The following EMP1 variants were observed in gnomAD, a reference collection of about 807,000 sequenced individuals.
EMP1 encodes epithelial membrane protein 1, also known as tumor-associated membrane protein.
EMP1 carries 5 observed loss-of-function variants against 15.7 expected under a neutral mutation model. That is an observed-to-expected ratio of 0.32 (90% CI 0.17 to 0.67). The LOEUF is 0.67. Among genes scored for constraint, EMP1 ranks in the 30% least tolerant of loss-of-function variants. EMP1 has a pLI of 0.74. For synonymous variants in EMP1, 78 were observed against 76.7 expected (o/e 1.02, Z -0.09); for missense variants, 166 against 194.2 (o/e 0.85, Z 0.86).
chr12:13,209,770 T>C (rs1864147904), intron 1 of EMP1, among the ~76,000 whole-genome samples: 1 of 152,152 alleles, frequency 6.6e-6, no homozygotes, highest in Non-Finnish European at 1.5e-5. Context: ...ACTGTGCATT[T>C]AAGTCAAGCA....
chr12:13,213,498 C>A lies in EMP1; in HGVS notation c.98C>A (p.Thr33Lys), dbSNP rs148486500. 6 of 1,614,002 alleles carry A rather than the reference C, an allele frequency of 3.7e-6. No homozygotes were observed. Among genetic ancestry groups the A allele is most frequent in the Non-Finnish European group, 5.1e-6 (6 of 1,180,024 alleles). The change falls in exon 3 of 5, where the codon ACG becomes AAG. Residue 33 changes from threonine (T) to lysine (K), a missense_variant. Thr to Lys is a moderately conservative substitution (Grantham distance 78, BLOSUM62 -1). Transcript: ENST00000256951. ...TTTCAGGTCTGGTTGGTTTCCAATA[C>A]GGTAGATGCATCAGTAGGTCTTTGG... ...TIANVWLVSNTVDASVGLWKN... is the reference protein window; with the variant it reads ...TIANVWLVSNKVDASVGLWKN...
In EMP1 at chr12:13,212,113, G is replaced by C. The variant is rs545466002; in HGVS notation, c.78+525G>C. 7.9e-5 allele frequency among the ~76,000 whole-genome samples: 12 copies of C among 152,340 alleles called. No homozygotes were observed. In the South Asian group the frequency reaches 1.9e-3, roughly 24 times the overall value. On this transcript the variant is annotated intron_variant, in intron 2 of 4. Coordinates refer to ENST00000256951, the MANE Select transcript of EMP1 (RefSeq NM_001423.3). ...GATAGATGGGAAGAAGAGGATGCCAGACTGACAAATTCAAATTTTGAGCAA... is the reference window on the plus strand; with the variant it reads ...GATAGATGGGAAGAAGAGGATGCCACACTGACAAATTCAAATTTTGAGCAA...
Position 13,213,802 on chromosome 12 carries a change from G to A in EMP1, c.297G>A (p.Gly99=), listed in dbSNP as rs1444834924. 3.7e-6 allele frequency: 6 copies of A among 1,613,876 alleles called. No individual in the cohort carries two copies. Among genetic ancestry groups the A allele is most frequent in the Non-Finnish European group, 5.1e-6 (6 of 1,180,042 alleles). Residue 99 remains glycine (G), a synonymous_variant, in exon 4 of 5, where the codon GGG becomes GGA. Coordinates refer to ENST00000256951, the MANE Select transcript of EMP1 (RefSeq NM_001423.3). ...AGGGAAACCGGTTCTTCCTCTCAGG[G>A]GCCACCACACTGGTGTGCTGTGAGT... is the stretch of plus-strand genomic sequence containing the variant. ...MEKGNRFFLS[G]ATTLVCWLCI... is the part of the protein sequence containing the mutation.
intron 1 of EMP1, among the ~76,000 whole-genome samples, chr12:13,202,314 T>G (rs1010683945): frequency 2.0e-5 from 3 of 152,190 alleles, no homozygotes; most frequent in African/African-American, 7.2e-5. Flanking sequence ...CATTTTAGTT[T>G]CCACTACATG....
chr12:13,209,454 T>C (rs766574384), intron 1 of EMP1: 3 of 152,172 alleles, frequency 2.0e-5, no homozygotes, highest in Non-Finnish European at 4.4e-5. Flanking sequence ...ACAGCAGATA[T>C]CTTATTACTT....
chr12:13,206,325 G>T (rs368861494), intron 1 of EMP1, among the ~76,000 whole-genome samples: 1 of 152,112 alleles, frequency 6.6e-6, no homozygotes, highest in Non-Finnish European at 1.5e-5. Context: ...AAGCTCTCTC[G>T]TGCCCTTTTG....
chr12:13,216,700 A>G lies in EMP1; in HGVS notation c.*2009A>G. On this transcript the variant is annotated 3_prime_UTR_variant, in exon 5 of 5. Transcript: ENST00000256951. The stretch of plus-strand genomic sequence containing the variant: ...CTTCTTCGTTAATAGATTATTTCAT[A>G]TACTATAATTGTAAATATTTTGATA... 2.3e-6 allele frequency: 1 copy of G among 439,818 alleles called. No individual in the cohort carries two copies. The highest frequency in any genetic ancestry group is 4.0e-6 in the Non-Finnish European group (1 of 250,402). 27.2% of individuals were successfully genotyped at this position (439,818 alleles called of 1,614,324 possible).
chr12:13,211,717 A>G lies in EMP1; in HGVS notation c.78+129A>G. 1.1e-6 allele frequency: 1 copy of G among 947,976 alleles called. No individual in the cohort carries two copies. Among genetic ancestry groups the G allele is most frequent in the South Asian group, 1.4e-5 (1 of 69,170 alleles). The allele number at this position is 947,976 out of a possible 1,614,324, so 58.7% of individuals were successfully genotyped here. On this transcript the variant is annotated intron_variant, in intron 2 of 4. Coordinates refer to ENST00000256951, the MANE Select transcript of EMP1 (RefSeq NM_001423.3). This position sits in a 1 kb window ranked among gnomAD's most constrained non-coding sequence, Gnocchi z 4.7. ...TTACAGCTCAGTTGTGGGAAAACAA[A>G]ATAAACACACGCTTGCCCTTCAAAC...
At chr12:13,200,927 G>A (rs528789730) in intron 1 of EMP1, among the ~76,000 whole-genome samples, 10 of 152,256 alleles carry the variant, frequency 6.6e-5, no homozygotes, top group Non-Finnish European at 1.5e-4. Context: ...TTCAAACCGG[G>A]TAGTTAAACT....
intron 1 of EMP1, among the ~76,000 whole-genome samples, chr12:13,206,227 C>T (rs1163826396): frequency 2.0e-5 from 3 of 152,160 alleles, no homozygotes; most frequent in Non-Finnish European, 2.9e-5. Flanking sequence ...TGGCAGTGGT[C>T]ATTACTGCTC....
At chr12:13,212,209 C>T (rs981493632) in intron 2 of EMP1, among the ~76,000 whole-genome samples, 1 of 151,090 alleles carries the variant, frequency 6.6e-6, no homozygotes, top group African/African-American at 2.4e-5. Context: ...TCAGACAAAA[C>T]GAGAAAAAAA....
intron 1 of EMP1, among the ~76,000 whole-genome samples, chr12:13,197,349 T>C (rs1031159966): frequency 2.0e-5 from 3 of 152,192 alleles, no homozygotes; most frequent in Non-Finnish European, 4.4e-5. Flanking sequence ...TGGGTGGTGG[T>C]GGATAGATAA....
chr12:13,214,139 T>C (rs765380890), intron 4 of EMP1: 28 of 608,036 alleles, frequency 4.6e-5, no homozygotes, highest in Non-Finnish European at 7.0e-5. Context: ...ACTGCCACAA[T>C]GCACATCATT....
chr12:13,205,502 A>G (rs1252776142), intron 1 of EMP1, among the ~76,000 whole-genome samples: 2 of 152,230 alleles, frequency 1.3e-5, no homozygotes, highest in African/African-American at 4.8e-5. Context: ...GTTAAAAAAA[A>G]AAGGAAATAT....
chr12:13,201,447 C>G (rs1447156249), intron 1 of EMP1, among the ~76,000 whole-genome samples: 1 of 151,918 alleles, frequency 6.6e-6, no homozygotes, highest in African/African-American at 2.4e-5. Flanking sequence ...AACAAAAACA[C>G]CAAAAAAACG....
At chr12:13,204,694 C>T (rs1399280833) in intron 1 of EMP1, among the ~76,000 whole-genome samples, 1 of 152,158 alleles carries the variant, frequency 6.6e-6, no homozygotes, top group Non-Finnish European at 1.5e-5. Flanking sequence ...GGCTACGCCT[C>T]TCTCTCTCCT....
Position 13,218,909 on chromosome 12 carries a change from C to A in EMP1, c.*4218C>A, listed in dbSNP as rs1338535339. ...TGTAGATGAGGTGGGAGCATGAATG[C>A]CTAGGGAGGGAAGAAGAAAGATTTT... is the stretch of plus-strand genomic sequence containing the variant. On this transcript the variant is annotated 3_prime_UTR_variant, in exon 5 of 5. Transcript: ENST00000256951. The A allele has an allele frequency of 6.6e-6, 1 of 151,042 alleles. No homozygotes were observed. The highest frequency in any genetic ancestry group is 6.6e-5 in the Admixed American group (1 of 15,196). 9.4% of individuals were successfully genotyped at this position (151,042 alleles called of 1,614,324 possible). A position where few individuals can be genotyped will look rare whatever the true frequency, so the allele number is the denominator to read the frequency against.
At chr12:13,209,402 A>G (rs1233842314) in intron 1 of EMP1, 1 of 152,158 alleles carries the variant, frequency 6.6e-6, no homozygotes, top group Non-Finnish European at 1.5e-5. Context: ...ACAATTTCTA[A>G]GAGGACCGAA....
intron 4 of EMP1, chr12:13,214,071 G>A (rs1019604221): frequency 6.0e-5 from 40 of 667,044 alleles, no homozygotes; most frequent in Middle Eastern, 2.4e-4. Context: ...TTAGTAGCAC[G>A]TGTGTACAAG....
Sources: gnomAD v4.1 joint callset for allele counts (sites outside exome capture counted in the v4.1 genomes callset) on GRCh38, gnomAD v4.1.1 for gene constraint, Gnocchi (gnomAD v3.1) non-coding constraint, MANE v1.5 for transcripts, NCBI Gene and HGNC (gene_info 2026-07-23, HGNC 2026-07-21) for gene names.